Variants in ZNF687 observed in about 807,000 individuals in gnomAD.
The protein encoded by ZNF687 is zinc finger protein 687.
A neutral mutation model predicts 71.8 loss-of-function variants in ZNF687; 13 were observed. That is an observed-to-expected ratio of 0.18 (90% CI 0.12 to 0.29). ZNF687 has a LOEUF of 0.29. ZNF687 is among the 10% of genes least tolerant of loss of function. ZNF687 has a pLI of 1.00. For missense variants in ZNF687, 1,412 were observed against 1,625.6 expected (o/e 0.87, Z 2.26); for synonymous variants, 673 against 641.6 (o/e 1.05, Z -0.74).
chr1:151,291,425 T>C lies in ZNF687; in HGVS notation c.*216T>C. 1.8e-6 allele frequency: 1 copy of C among 562,812 alleles called. No individual in the cohort carries two copies. 34.9% of individuals were successfully genotyped at this position (562,812 alleles called of 1,614,324 possible). A position where few individuals can be genotyped will look rare whatever the true frequency, so the allele number is the denominator to read the frequency against. ...AGTCCTAGTAGAGTGGACCCTCCAT[T>C]CCTCCTTTCTGAGCCCAACACTAAT... On this transcript the variant is annotated 3_prime_UTR_variant, in exon 9 of 9. Coordinates refer to ENST00000336715, the MANE Select transcript of ZNF687 (RefSeq NM_020832.3).
chr1:151,290,535 G>A lies in ZNF687; in HGVS notation c.3181G>A (p.Gly1061Arg). ...LQLGAQSPGR[G>R]TTLARGSSAR... ...GCTTGGGGCCCAGTCCCCTGGCCGGGGGACCACCTTGGCTCGGGGTTCCAG... is the reference window on the plus strand; with the variant it reads ...GCTTGGGGCCCAGTCCCCTGGCCGGAGGACCACCTTGGCTCGGGGTTCCAG... Residue 1061 changes from glycine to arginine, a missense_variant, in exon 8 of 9, where the codon GGG (glycine) becomes AGG (arginine). Around this residue, in one of 8 missense-constraint regions of ZNF687, gnomAD observed 284 missense variants for 359.2 expected, o/e 0.79. Coordinates refer to ENST00000336715, the MANE Select transcript of ZNF687 (RefSeq NM_020832.3). The A allele has an allele frequency of 6.2e-7, 1 of 1,613,846 alleles. No homozygotes were observed. Among genetic ancestry groups the A allele is most frequent in the Non-Finnish European group, 8.5e-7 (1 of 1,179,944 alleles).
upstream of ZNF687, chr1:151,281,979 G>C (rs979183372): frequency 8.2e-7 from 1 of 1,214,882 alleles, no homozygotes; most frequent in Admixed American, 3.1e-5. Context: ...AGGCAAGCTG[G>C]GAAGCAGGCT....
chr1:151,286,796 G>A lies in ZNF687; in HGVS notation c.505G>A (p.Glu169Lys). Residue 169 changes from glutamate to lysine, a missense_variant, in exon 2 of 9, where the codon GAG (glutamate) becomes AAG (lysine). Physicochemically the swap from Glu to Lys is moderately conservative, Grantham distance 56. Around this residue, in one of 8 missense-constraint regions of ZNF687, gnomAD observed 490 missense variants for 489.9 expected, o/e 1.00. Transcript: ENST00000336715. ...GGACCTGTTTGCTCATTTTGGCCCT[G>A]AGCCAGGGGACCACTCAGATCCGCT... ...PLDLFAHFGPEPGDHSDPLPP... is the reference protein window; with the variant it reads ...PLDLFAHFGPKPGDHSDPLPP... 6.2e-7 allele frequency: 1 copy of A among 1,614,242 alleles called. No homozygotes were observed.
Position 151,289,899 on chromosome 1 carries a change from C to T in ZNF687, c.2856C>T (p.Gly952=). 2 of 1,558,490 alleles carry T rather than the reference C, an allele frequency of 1.3e-6. No individual in the cohort carries two copies. Among genetic ancestry groups the T allele is most frequent in the Non-Finnish European group, 8.7e-7 (1 of 1,149,542 alleles). Residue 952 remains glycine (G), a synonymous_variant, in exon 6 of 9, where the codon GGC becomes GGT. Transcript: ENST00000336715. ...CTCGGCGGGAACTAGGGAGCAAAGG[C>T]CTCAAGGGTGGGGGTGGGGGGCCTG... The part of the protein sequence containing the change: ...KRPRRELGSK[G]LKGGGGGPGG...
At chr1:151,282,499 G>A in intron 1 of ZNF687, 104 bp downstream of exon 1, 1 of 863,328 alleles carries the variant, frequency 1.2e-6, no homozygotes, top group African/African-American at 1.8e-5. Flanking sequence ...CCCCTTCTCC[G>A]CGCCGCCCCC....
In ZNF687 at chr1:151,290,012, G is replaced by C. The variant is rs1694141497; in HGVS notation, c.2964+5G>C. 1 of 1,588,056 alleles carries C rather than the reference G, an allele frequency of 6.3e-7. No homozygotes were observed. On this transcript the variant is annotated splice_donor_5th_base_variant and intron_variant, in intron 6 of 8. Transcript: ENST00000336715. The stretch of plus-strand genomic sequence containing the variant: ...ATGAAGAAGGAGCATGGCAAGGTGA[G>C]TGGGCCCCAAGGGGAGTACCATGGG...
At position 151,287,611 on chromosome 1, in the gene ZNF687, C is replaced by T. The variant is rs113419726; in HGVS notation, c.1320C>T (p.Asn440=). ...TATSPKMIAK[N]VLGLVPQALP... ...CCAGCCCTAAGATGATTGCTAAGAA[C>T]GTGCTAGGCCTGGTGCCCCAAGCCC... Residue 440 remains asparagine (N), a synonymous_variant, in exon 2 of 9, where the codon AAC becomes AAT. Transcript: ENST00000336715. This position sits in a 1 kb window ranked among gnomAD's most constrained non-coding sequence, Gnocchi z 5.0. The T allele has an allele frequency of 8.8e-4, 1,413 of 1,613,152 alleles. 17 individuals are homozygous for T. The African/African-American group carries it at 0.017, about 19-fold the overall frequency.
In ZNF687 at chr1:151,286,994, G is replaced by C; in HGVS notation, c.703G>C (p.Ala235Pro). Residue 235 changes from alanine to proline, a missense_variant, in exon 2 of 9, where the codon GCC becomes CCC. Ala to Pro is a conservative substitution (Grantham distance 27). Transcript: ENST00000336715. ...SCSPHHPQVLAQQGSGSSPKA... is the reference protein window; with the variant it reads ...SCSPHHPQVLPQQGSGSSPKA... ...CAGCCCCCATCATCCCCAGGTCCTA[G>C]CCCAACAAGGCTCAGGCTCCAGCCC... is the stretch of plus-strand genomic sequence containing the variant. 6.2e-7 allele frequency: 1 copy of C among 1,602,104 alleles called. No homozygotes were observed. Among genetic ancestry groups the C allele is most frequent in the Non-Finnish European group, 8.5e-7 (1 of 1,172,622 alleles).
Position 151,291,917 on chromosome 1 carries a change from CTT to C in ZNF687, c.*712_*713del, listed in dbSNP as rs1694296174. The stretch of plus-strand genomic sequence containing the variant: ...TGGTCGAATCTCCATTCAGGCCTCT[CTT>C]TTTCTGTGACTTGGACAATGTGGAG... On this transcript the variant is annotated 3_prime_UTR_variant, in exon 9 of 9. Coordinates refer to ENST00000336715, the MANE Select transcript of ZNF687 (RefSeq NM_020832.3). 6.6e-6 allele frequency: 1 copy of C among 152,324 alleles called. No individual in the cohort carries two copies. Among genetic ancestry groups the C allele is most frequent in the Non-Finnish European group, 1.5e-5 (1 of 68,052 alleles). 9.4% of individuals were successfully genotyped at this position (152,324 alleles called of 1,614,324 possible). A position where few individuals can be genotyped will look rare whatever the true frequency, so the allele number is the denominator to read the frequency against.
At chr1:151,283,273 A>G (rs900307872) in intron 1 of ZNF687, 1 of 985,222 alleles carries the variant, frequency 1.0e-6, no homozygotes, top group Non-Finnish European at 1.2e-6. Context: ...AATCGCCGCC[A>G]GCCCCTCGCC....
At chr1:151,284,168 G>A (rs748319554) in intron 1 of ZNF687, 2 of 985,310 alleles carry the variant, frequency 2.0e-6, no homozygotes, top group African/African-American at 1.7e-5. Flanking sequence ...GTTAAAGTTA[G>A]GGGATGGAAT....
Position 151,287,779 on chromosome 1 carries a change from C to T in ZNF687, c.1488C>T (p.Ser496=), listed in dbSNP as rs1694018475. 2 of 1,614,112 alleles carry T rather than the reference C, an allele frequency of 1.2e-6. No homozygotes were observed. Among genetic ancestry groups the T allele is most frequent in the Non-Finnish European group, 1.7e-6 (2 of 1,180,026 alleles). Residue 496 remains serine (S), a synonymous_variant, in exon 2 of 9, where the codon AGC becomes AGT. Coordinates refer to ENST00000336715, the MANE Select transcript of ZNF687 (RefSeq NM_020832.3). This position sits in a 1 kb window ranked among gnomAD's most constrained non-coding sequence, Gnocchi z 5.0. ...GGTVISRTQS[S]LVEAFNKILN... is the part of the protein sequence containing the mutation. ...CAGTGATATCACGGACCCAGTCCAG[C>T]CTGGTGGAGGCCTTCAACAAGATCC...
chr1:151,288,455 G>C (rs75819299), intron 2 of ZNF687, 49 bp downstream of exon 2: 2 of 1,582,716 alleles, frequency 1.3e-6, no homozygotes, highest in Non-Finnish European at 1.7e-6. Context: ...CTAGGAAGGC[G>C]TTGGGGGCTT....
At position 151,287,949 on chromosome 1, in the gene ZNF687, A is replaced by G. The variant is rs1489382473; in HGVS notation, c.1658A>G (p.Asp553Gly). 6.2e-7 allele frequency: 1 copy of G among 1,613,672 alleles called. No individual in the cohort carries two copies. The highest frequency in any genetic ancestry group is 8.5e-7 in the Non-Finnish European group (1 of 1,180,022). ...SLEKSLARHY[D>G]RRSMRIEVTC... ...GAGAAGAGCCTGGCACGGCACTATGACCGTCGGAGCATGCGCATCGAGGTC... is the reference window on the plus strand; with the variant it reads ...GAGAAGAGCCTGGCACGGCACTATGGCCGTCGGAGCATGCGCATCGAGGTC... Residue 553 changes from aspartate (D) to glycine (G), a missense_variant, in exon 2 of 9, where the codon GAC (aspartate) becomes GGC (glycine). Asp to Gly is a moderately conservative substitution (Grantham distance 94). Coordinates refer to ENST00000336715, the MANE Select transcript of ZNF687 (RefSeq NM_020832.3). This position sits in a 1 kb window ranked among gnomAD's most constrained non-coding sequence, Gnocchi z 5.0.
Position 151,290,842 on chromosome 1 carries a change from G to C in ZNF687, c.3347G>C (p.Ser1116Thr). Reference sequence around the variant, plus strand: ...GGCCATGGCCCTCTGCGCTACCGGAGCAGCAGCTCCACAGAACAGAGCCTC... The same window carrying C: ...GGCCATGGCCCTCTGCGCTACCGGACCAGCAGCTCCACAGAACAGAGCCTC... ...SGGHGPLRYR[S>T]SSSTEQSLMM... Residue 1116 changes from serine to threonine, a missense_variant, in exon 9 of 9, where the codon AGC (serine) becomes ACC (threonine). By Grantham distance (58) the Ser-to-Thr change is moderately conservative (BLOSUM62 1). Around this residue, in one of 8 missense-constraint regions of ZNF687, gnomAD observed 284 missense variants for 359.2 expected, o/e 0.79. Coordinates refer to ENST00000336715, the MANE Select transcript of ZNF687 (RefSeq NM_020832.3). 6.2e-7 allele frequency: 1 copy of C among 1,614,054 alleles called. No homozygotes were observed. Among genetic ancestry groups the C allele is most frequent in the Non-Finnish European group, 8.5e-7 (1 of 1,180,024 alleles).
chr1:151,287,453 G>T lies in ZNF687; in HGVS notation c.1162G>T (p.Val388Leu), dbSNP rs777320654. Residue 388 changes from valine (V) to leucine (L), a missense_variant, in exon 2 of 9, where the codon GTA becomes TTA. Val to Leu is a conservative substitution (Grantham distance 32, BLOSUM62 1). Coordinates refer to ENST00000336715, the MANE Select transcript of ZNF687 (RefSeq NM_020832.3). This position sits in a 1 kb window ranked among gnomAD's most constrained non-coding sequence, Gnocchi z 5.0. ...TTCTGAGGGTCCAAAGGTGGTGAGC[G>T]TACAGTTGGGTGATGGTACAAGGCT... ...PTSEGPKVVSVQLGDGTRLKG... is the reference protein window; with the variant it reads ...PTSEGPKVVSLQLGDGTRLKG... 14 of 1,614,174 alleles carry T rather than the reference G, an allele frequency of 8.7e-6. No homozygotes were observed. Among genetic ancestry groups the T allele is most frequent in the East Asian group, 6.7e-5 (3 of 44,880 alleles).
chr1:151,288,171 C>T lies in ZNF687; in HGVS notation c.1880C>T (p.Pro627Leu). The T allele has an allele frequency of 1.2e-6, 2 of 1,613,886 alleles. No individual in the cohort carries two copies. The highest frequency in any genetic ancestry group is 8.5e-7 in the Non-Finnish European group (1 of 1,179,950). The change falls in exon 2 of 9, where the codon CCT becomes CTT. Residue 627 changes from proline to leucine, a missense_variant. By Grantham distance (98) the Pro-to-Leu change is moderately conservative. This residue lies in a region of ZNF687 where 207 missense variants were observed against 239.2 expected (regional missense o/e 0.87). Transcript: ENST00000336715. ...GTAGCTGTCCCACCTGTCTCTGGAC[C>T]TCTGGCCTTGCCTGCCTTGGGCAAG... ...LPVAVPPVSG[P>L]LALPALGKGE...
At chr1:151,282,133 G>A (rs142046854), upstream of ZNF687, 9 of 1,222,588 alleles carry the variant, frequency 7.4e-6, no homozygotes, top group Admixed American at 1.5e-4. Context: ...GGACTGTGCG[G>A]GGCTAGTTCC....
In ZNF687 at chr1:151,286,092, C is replaced by T; in HGVS notation, c.-17-183C>T. 3 of 473,418 alleles carry T rather than the reference C, an allele frequency of 6.3e-6. No individual in the cohort carries two copies. The South Asian group carries it at 1.3e-4, about 21-fold the overall frequency. The allele number at this position is 473,418 out of a possible 1,614,324, so 29.3% of individuals were successfully genotyped here. On this transcript the variant is annotated intron_variant, in intron 1 of 8. Coordinates refer to ENST00000336715, the MANE Select transcript of ZNF687 (RefSeq NM_020832.3). ...CCACCAAGGTATGGACACTAATCCT[C>T]TTCTGATTTTAAGGTTTGGCAAACC...
Sources: gnomAD v4.1 joint callset for allele counts on GRCh38, gnomAD v4.1.1 for gene constraint, gnomAD v4.1.1 regional missense constraint, Gnocchi (gnomAD v3.1) non-coding constraint, MANE v1.5 for transcripts, NCBI Gene and HGNC (gene_info 2026-07-23, HGNC 2026-07-21) for gene names.